The following PDE11A variants were observed in gnomAD, a reference collection of about 807,000 sequenced individuals.
PDE11A encodes phosphodiesterase 11A, also known as dual 3',5'-cyclic-AMP and -GMP phosphodiesterase 11A.
In PDE11A, 100 loss-of-function variants were observed where a neutral mutation model predicts 100.5. The ratio of observed to expected loss-of-function variants is 1.00; its 90% CI spans 0.85 to 1.18. The LOEUF (loss-of-function observed/expected upper bound fraction) is 1.18. Among genes scored for constraint, PDE11A ranks in the 50% most tolerant of loss-of-function variants. The pLI, the probability that PDE11A is intolerant of heterozygous loss-of-function variation, is 0.00. For missense variants in PDE11A, 1,141 were observed against 1,152.6 expected (o/e 0.99, Z 0.15); for synonymous variants, 381 against 420.8 (o/e 0.91, Z 1.16).
chr2:178,003,606 G>C (rs574966028), intron 2 of PDE11A, among the ~76,000 whole-genome samples: 1 of 152,028 alleles, frequency 6.6e-6, no homozygotes. Flanking sequence ...CTGCTAATGG[G>C]TATAGGGTTT....
At position 177,820,212 on chromosome 2, in the gene PDE11A, T is replaced by A; in HGVS notation, c.1576+8A>T. 7.0e-7 allele frequency: 1 copy of A among 1,428,382 alleles called. No individual in the cohort carries two copies. The highest frequency in any genetic ancestry group is 9.9e-7 in the Non-Finnish European group (1 of 1,011,470). 88.5% of individuals were successfully genotyped at this position (1,428,382 alleles called of 1,614,324 possible). A position where few individuals can be genotyped will look rare whatever the true frequency, so the allele number is the denominator to read the frequency against. ...TCAAGAAGTTTAACTATTTAGGTCATCTCTTACCAATTATTTGGTGGTTGC... is the reference window on the plus strand; with the variant it reads ...TCAAGAAGTTTAACTATTTAGGTCAACTCTTACCAATTATTTGGTGGTTGC... On this transcript the variant is annotated splice_region_variant and intron_variant, in intron 7 of 19. Transcript: ENST00000286063.
At chr2:177,636,878 C>T (rs1280361403) in intron 19 of PDE11A, among the ~76,000 whole-genome samples, 1 of 152,174 alleles carries the variant, frequency 6.6e-6, no homozygotes, top group Non-Finnish European at 1.5e-5. Context: ...TGCCTCTAAG[C>T]ATTATCTCGT....
Position 178,033,285 on chromosome 2 carries a change from G to A in PDE11A, c.913-18825C>T, listed in dbSNP as rs554606760. The stretch of plus-strand genomic sequence containing the variant: ...TATCAACAACCAAATTTATCAAGTG[G>A]GAGAAAGAATATCAGAGATTGAAGA... On this transcript the variant is annotated intron_variant, in intron 1 of 19. Coordinates refer to ENST00000286063, the MANE Select transcript of PDE11A (RefSeq NM_016953.4). Among the ~76,000 whole-genome samples, 10 of 152,172 alleles carry A rather than the reference G, an allele frequency of 6.6e-5. No homozygotes were observed. In the South Asian group the frequency reaches 1.0e-3, roughly 16 times the overall value.
At chr2:178,096,169 C>CTTTTT (rs71010857) in intron 2 of PDE11A, among the ~76,000 whole-genome samples, 3 of 120,104 alleles carry the variant, frequency 2.5e-5, no homozygotes, top group Admixed American at 8.2e-5. Context: ...CTTTTCTTTT[C>CTTTTT]TTTTTTTTTT....
chr2:178,074,158 A>C (rs2087174566), upstream of PDE11A, among the ~76,000 whole-genome samples: 2 of 152,180 alleles, frequency 1.3e-5, no homozygotes, highest in Non-Finnish European at 1.5e-5. Flanking sequence ...CATTTGTAAG[A>C]AATGTCCAGA....
chr2:177,678,956 G>A (rs976068519), intron 16 of PDE11A, among the ~76,000 whole-genome samples: 18 of 151,562 alleles, frequency 1.2e-4, no homozygotes, highest in African/African-American at 3.6e-4. Context: ...TACATCCTTG[G>A]GGGACAGTTC....
At chr2:177,921,849 A>G (rs986606413) in intron 2 of PDE11A, 3 of 152,250 alleles carry the variant, frequency 2.0e-5, no homozygotes, top group Non-Finnish European at 2.9e-5. Context: ...ATTGGGAACC[A>G]TAAAAATTAT....
At chr2:177,816,587 A>T (rs2083042878) in intron 9 of PDE11A, among the ~76,000 whole-genome samples, 1 of 152,228 alleles carries the variant, frequency 6.6e-6, no homozygotes, top group African/African-American at 2.4e-5. Context: ...ATGTAATTTT[A>T]AAAAATCTAT....
intron 5 of PDE11A, among the ~76,000 whole-genome samples, chr2:177,871,942 T>G (rs1423028464): frequency 6.6e-6 from 1 of 152,172 alleles, no homozygotes; most frequent in Non-Finnish European, 1.5e-5. Context: ...TTACACTACA[T>G]AGGAGAAATG....
chr2:177,864,549 A>G (rs1337502406), intron 5 of PDE11A, among the ~76,000 whole-genome samples: 1 of 152,228 alleles, frequency 6.6e-6, no homozygotes, highest in East Asian at 1.9e-4. Flanking sequence ...GTCCAAATAT[A>G]GAAGTATTTG....
At chr2:178,010,791 G>A (rs566557192) in intron 2 of PDE11A, among the ~76,000 whole-genome samples, 1 of 152,264 alleles carries the variant, frequency 6.6e-6, no homozygotes, top group Non-Finnish European at 1.5e-5. Context: ...AAATAACTGG[G>A]TTAAAACGTA....
At chr2:178,097,387 G>A (rs920743292) in intron 2 of PDE11A, among the ~76,000 whole-genome samples, 3 of 152,284 alleles carry the variant, frequency 2.0e-5, no homozygotes, top group Admixed American at 2.0e-4. Flanking sequence ...TGAAGGGGAA[G>A]CAAGGTACCT....
chr2:177,943,130 C>T (rs2085364129), intron 2 of PDE11A, among the ~76,000 whole-genome samples: 1 of 152,156 alleles, frequency 6.6e-6, no homozygotes, highest in Non-Finnish European at 1.5e-5. Context: ...CACCAATGGC[C>T]ACTTAGATTG....
At chr2:177,899,532 G>T in intron 3 of PDE11A, 1 of 316,908 alleles carries the variant, frequency 3.2e-6, no homozygotes, top group Non-Finnish European at 6.6e-6. Context: ...CTATCAGGAA[G>T]AAACAGGTTC....
intron 15 of PDE11A, among the ~76,000 whole-genome samples, chr2:177,683,936 G>A (rs1372838709): frequency 6.6e-6 from 1 of 152,118 alleles, no homozygotes; most frequent in Non-Finnish European, 1.5e-5. Context: ...GTGAGAAATT[G>A]AGATAAGGTG....
chr2:177,631,590 C>T (rs1367501758), intron 19 of PDE11A, among the ~76,000 whole-genome samples: 1 of 30,204 alleles, frequency 3.3e-5, no homozygotes, highest in Admixed American at 5.0e-4. Context: ...TATATACACA[C>T]ACATATATAT....
chr2:177,951,704 G>C (rs1275610184), intron 2 of PDE11A, among the ~76,000 whole-genome samples: 1 of 152,174 alleles, frequency 6.6e-6, no homozygotes, highest in East Asian at 1.9e-4. Flanking sequence ...TGCTATGGGG[G>C]AGGAATTCTG....
intron 10 of PDE11A, among the ~76,000 whole-genome samples, chr2:177,757,780 G>C (rs1481566540): frequency 6.6e-6 from 1 of 152,096 alleles, no homozygotes; most frequent in East Asian, 1.9e-4. Context: ...CCCAGCCTGG[G>C]GGGATGAGGT....
At chr2:177,947,194 C>T (rs111513620) in intron 2 of PDE11A, among the ~76,000 whole-genome samples, 1 of 43,460 alleles carries the variant, frequency 2.3e-5, no homozygotes, top group African/African-American at 6.7e-5. Flanking sequence ...AGGTGAGGGG[C>T]GCCTCTGCCC....
Sources: allele counts gnomAD v4.1 joint callset (sites outside exome capture counted in the v4.1 genomes callset), GRCh38; gene constraint gnomAD v4.1.1; transcripts MANE v1.5; gene names NCBI Gene and HGNC (gene_info 2026-07-23, HGNC 2026-07-21).